Variants in SORCS3 observed in about 807,000 individuals in gnomAD.
The protein encoded by SORCS3 is VPS10 domain-containing receptor SorCS3.
SORCS3 carries 57 observed loss-of-function variants against 146.3 expected under a neutral mutation model. The ratio of observed to expected loss-of-function variants is 0.39; its 90% CI spans 0.31 to 0.49. The LOEUF is 0.49. Ranked by LOEUF, SORCS3 falls within the 20% of genes least tolerant of loss-of-function variation. SORCS3 has a pLI of 0.92. For synonymous variants in SORCS3, 653 were observed against 618.5 expected, an observed-to-expected ratio of 1.06 and a Z score of -0.83; for missense variants, 1,341 against 1,575.5, an observed-to-expected ratio of 0.85 and a Z score of 2.52.
At chr10:104,960,783 G>T (rs2054791264) in intron 3 of SORCS3, among the ~76,000 whole-genome samples, 1 of 152,124 alleles carries the variant, frequency 6.6e-6, no homozygotes, top group Non-Finnish European at 1.5e-5. Flanking sequence ...TAAGTTTGAG[G>T]CTTCCTATAG....
At chr10:104,656,397 G>T (rs73330336) in intron 1 of SORCS3, among the ~76,000 whole-genome samples, 2 of 152,080 alleles carry the variant, frequency 1.3e-5, no homozygotes, top group Non-Finnish European at 2.9e-5. Context: ...TGGCTTATGC[G>T]TGCAATTCTA....
At chr10:104,944,201 C>A (rs745808592) in intron 3 of SORCS3, among the ~76,000 whole-genome samples, 1 of 152,022 alleles carries the variant, frequency 6.6e-6, no homozygotes, top group Non-Finnish European at 1.5e-5. Flanking sequence ...CCTCTTACTT[C>A]GACAAAAAAC....
chr10:104,642,022 G>GCCCCCCC, intron 1 of SORCS3, 68 bp downstream of exon 1: 2 of 173,336 alleles, frequency 1.2e-5, no homozygotes, highest in Non-Finnish European at 2.2e-5. Context: ...GGGTGGGTGG[G>GCCCCCCC]AGCGAGGGAC....
In SORCS3 at chr10:104,671,050, A is replaced by G. The variant is rs1025408010; in HGVS notation, c.627+29096A>G. On this transcript the variant is annotated intron_variant, in intron 1 of 26. Transcript: ENST00000369701. ...AATTTATTAGTTCCAATCTTTTTTTAAACTTTAAGTGTTCTACATACTACA... is the reference window on the plus strand; with the variant it reads ...AATTTATTAGTTCCAATCTTTTTTTGAACTTTAAGTGTTCTACATACTACA... Among the ~76,000 whole-genome samples, 3 of 151,848 alleles carry G rather than the reference A, an allele frequency of 2.0e-5. No individual in the cohort carries two copies. In the East Asian group the frequency reaches 5.8e-4, roughly 29 times the overall value.
intron 1 of SORCS3, among the ~76,000 whole-genome samples, chr10:104,785,200 A>G (rs2017419881): frequency 6.6e-6 from 1 of 151,354 alleles, no homozygotes; most frequent in South Asian, 2.1e-4. Flanking sequence ...TGTAGAAAGA[A>G]GTAGACATGG....
chr10:104,913,084 G>A (rs754260869), intron 2 of SORCS3, among the ~76,000 whole-genome samples: 3 of 152,208 alleles, frequency 2.0e-5, no homozygotes, highest in African/African-American at 4.8e-5. Context: ...CTGGGAATGG[G>A]TCCAGAAAGG....
Position 105,256,908 on chromosome 10 carries a change from A to T in SORCS3, c.3427A>T (p.Ile1143Phe). ...VVFVGLAVFL[I>F]YKFKRKIPWI... The stretch of plus-strand genomic sequence containing the variant: ...ATTTGTTGGCCTGGCTGTGTTTTTG[A>T]TCTACAAGTTTAAAAGGTATGTCCT... The change falls in exon 25 of 27, where the codon ATC becomes TTC. Residue 1143 changes from isoleucine to phenylalanine, a missense_variant. Physicochemically the swap from Ile to Phe is conservative, Grantham distance 21. Transcript: ENST00000369701. 1 of 1,613,706 alleles carries T rather than the reference A, an allele frequency of 6.2e-7. No homozygotes were observed. Among genetic ancestry groups the T allele is most frequent in the Non-Finnish European group, 8.5e-7 (1 of 1,179,628 alleles).
At chr10:105,060,390 A>G (rs2055477657) in intron 5 of SORCS3, among the ~76,000 whole-genome samples, 1 of 152,220 alleles carries the variant, frequency 6.6e-6, no homozygotes, top group Non-Finnish European at 1.5e-5. Flanking sequence ...GTGATAACTT[A>G]GAGGCTTTAA....
chr10:104,851,720 A>C (rs2018275761), intron 2 of SORCS3, among the ~76,000 whole-genome samples: 1 of 152,236 alleles, frequency 6.6e-6, no homozygotes, highest in South Asian at 2.1e-4. Flanking sequence ...TCAAGTTTAT[A>C]GGAGAGTGAT....
chr10:105,179,584 C>T (rs574192181), intron 14 of SORCS3, among the ~76,000 whole-genome samples: 2 of 152,146 alleles, frequency 1.3e-5, no homozygotes, highest in Admixed American at 6.5e-5. Context: ...TGAATATAAA[C>T]AATTCAAGTT....
intron 2 of SORCS3, 41 bp from the exon 3 acceptor site, chr10:104,915,792 T>C (rs1219668873): frequency 6.4e-7 from 1 of 1,573,254 alleles, no homozygotes; most frequent in Non-Finnish European, 8.8e-7. Context: ...TGCCCATTGG[T>C]AAAATGATCT....
Position 104,718,147 on chromosome 10 carries a change from A to AAAAT in SORCS3, c.627+76210_627+76213dup, listed in dbSNP as rs907552435. Among the ~76,000 whole-genome samples the AAAAT allele has an allele frequency of 5.0e-3, 768 of 152,090 alleles. 5 individuals carry two copies. Among genetic ancestry groups the AAAAT allele is most frequent in the African/African-American group, 0.017 (710 of 41,410 alleles). Reference sequence around the variant, plus strand: ...AGCGACAGAGTGAGACTCCGTCCTCAAAATAAATAAATAAATAAATGAATA... The same window carrying AAAAT: ...AGCGACAGAGTGAGACTCCGTCCTCAAAATAAATAAATAAATAAATAAATGAATA... On this transcript the variant is annotated intron_variant, in intron 1 of 26. Coordinates refer to ENST00000369701, the MANE Select transcript of SORCS3 (RefSeq NM_014978.3).
intron 1 of SORCS3, among the ~76,000 whole-genome samples, chr10:104,792,315 C>T (rs563217997): frequency 3.3e-5 from 5 of 152,234 alleles, no homozygotes; most frequent in Admixed American, 2.0e-4. Flanking sequence ...GGTGGAAGAT[C>T]TGTAGTAGGG....
intron 1 of SORCS3, among the ~76,000 whole-genome samples, chr10:104,711,767 C>T (rs1485311113): frequency 6.6e-6 from 1 of 152,214 alleles, no homozygotes; most frequent in Non-Finnish European, 1.5e-5. Context: ...TCACAGGCTA[C>T]TGAGTCCAGG....
At chr10:104,979,211 T>C (rs911896866) in intron 4 of SORCS3, among the ~76,000 whole-genome samples, 1 of 152,212 alleles carries the variant, frequency 6.6e-6, no homozygotes, top group African/African-American at 2.4e-5. Flanking sequence ...AAGCTCTATC[T>C]TGTAATCAGT....
At chr10:104,686,158 C>T (rs2151971) in intron 1 of SORCS3, among the ~76,000 whole-genome samples, 62,723 of 151,882 alleles carry the variant, frequency 0.41, 14,424 homozygotes, top group Middle Eastern at 0.65. Context: ...ACTATCTCTG[C>T]GGTGGGAGAA....
chr10:104,799,285 G>A (rs2017595614), intron 1 of SORCS3, among the ~76,000 whole-genome samples: 1 of 152,130 alleles, frequency 6.6e-6, no homozygotes, highest in Admixed American at 6.5e-5. Context: ...CAAAGACTTG[G>A]AACCAACCCA....
chr10:104,792,703 A>G (rs2017508838), intron 1 of SORCS3, among the ~76,000 whole-genome samples: 1 of 152,204 alleles, frequency 6.6e-6, no homozygotes, highest in Non-Finnish European at 1.5e-5. Context: ...ATTTTTTGAA[A>G]GAAGCCTCTT....
chr10:105,133,322 C>T (rs1208786305), intron 7 of SORCS3, among the ~76,000 whole-genome samples: 1 of 152,168 alleles, frequency 6.6e-6, no homozygotes, highest in East Asian at 1.9e-4. Context: ...TTAATTCCAA[C>T]AATCTGTTAT....
Sources: gnomAD v4.1 joint callset for allele counts (sites outside exome capture counted in the v4.1 genomes callset) on GRCh38, gnomAD v4.1.1 for gene constraint, MANE v1.5 for transcripts, NCBI Gene and HGNC (gene_info 2026-07-23, HGNC 2026-07-21) for gene names.